The following LGALS3 variants were observed in gnomAD, a reference collection of about 807,000 sequenced individuals.
LGALS3 encodes the protein galectin-3.
LGALS3 carries 18 observed loss-of-function variants against 20.7 expected under a neutral mutation model. That is an observed-to-expected ratio of 0.87 (90% confidence interval 0.60 to 1.29). The LOEUF is 1.29. Among genes scored for constraint, LGALS3 ranks in the 50% most tolerant of loss-of-function variants. The pLI, the probability that LGALS3 is intolerant of heterozygous loss-of-function variation, is 0.00. For synonymous variants in LGALS3, 112 were observed against 119.6 expected, an observed-to-expected ratio of 0.94 and a Z score of 0.42; for missense variants, 315 against 314.7, an observed-to-expected ratio of 1.00 and a Z score of -0.01.
At chr14:55,133,305 TCA>T (rs1169514460) in intron 1 of LGALS3, among the ~76,000 whole-genome samples, 1 of 152,188 alleles carries the variant, frequency 6.6e-6, no homozygotes, top group East Asian at 1.9e-4. Flanking sequence ...TCTCTGAGCC[TCA>T]GTTTCCTTAT....
At position 55,129,703 on chromosome 14, in the gene LGALS3, C is replaced by T. The variant is rs1881170154; in HGVS notation, c.-5+403C>T. 6.6e-6 allele frequency among the ~76,000 whole-genome samples: 1 copy of T among 152,192 alleles called. No homozygotes were observed. Among genetic ancestry groups the T allele is most frequent in the Non-Finnish European group, 1.5e-5 (1 of 68,032 alleles). The stretch of plus-strand genomic sequence containing the variant: ...TGGTCACCCCAGTCCCACCAGGTCC[C>T]GCTGCGAGGGGAGGCGGAGGGGCTC... On this transcript the variant is annotated intron_variant, in intron 1 of 5. Transcript: ENST00000254301. This position sits in a 1 kb window ranked among gnomAD's most constrained non-coding sequence, Gnocchi z 5.3.
At chr14:55,136,655 G>C (rs1464666334) in intron 1 of LGALS3, among the ~76,000 whole-genome samples, 1 of 152,026 alleles carries the variant, frequency 6.6e-6, no homozygotes, top group African/African-American at 2.4e-5. Flanking sequence ...ATTTATTTGT[G>C]TTACAAACAA....
Position 55,137,752 on chromosome 14 carries a change from T to A in LGALS3, c.19-293T>A, listed in dbSNP as rs955728812. 8 of 1,339,390 alleles carry A rather than the reference T, an allele frequency of 6.0e-6. No homozygotes were observed. In the African/African-American group the frequency reaches 1.0e-4, roughly 17 times the overall value. The allele number at this position is 1,339,390 out of a possible 1,614,324, so 83.0% of individuals were successfully genotyped here. On this transcript the variant is annotated intron_variant, in intron 2 of 5. Coordinates refer to ENST00000254301, the MANE Select transcript of LGALS3 (RefSeq NM_002306.4). The stretch of plus-strand genomic sequence containing the variant: ...TTTTTCTCACGGTGATGAAAAAGTA[T>A]GTGCTATAAGTAGAGGAGCGCTAAC...
chr14:55,144,386 C>T (rs1289057893), intron 5 of LGALS3, among the ~76,000 whole-genome samples: 1 of 152,204 alleles, frequency 6.6e-6, no homozygotes, highest in Admixed American at 6.5e-5. Flanking sequence ...GCTCAAGATC[C>T]GCCCGCCTTT....
At chr14:55,143,692 G>T in intron 5 of LGALS3, 1 of 162,650 alleles carries the variant, frequency 6.1e-6, no homozygotes, top group Non-Finnish European at 1.4e-5. Flanking sequence ...AGTGCTGGGA[G>T]GATTACAGGC....
At position 55,135,560 on chromosome 14, in the gene LGALS3, GTT is replaced by G. The variant is rs762172869; in HGVS notation, c.-4-1787_-4-1786del. Reference sequence around the variant, plus strand: ...ACCAAAAATAAGGTAATATTTTATGGTTTTTTTTTTTTTTTTTTTTTTTTGAG... The same window carrying G: ...ACCAAAAATAAGGTAATATTTTATGGTTTTTTTTTTTTTTTTTTTTTTGAG... On this transcript the variant is annotated intron_variant, in intron 1 of 5. Transcript: ENST00000254301. Among the ~76,000 whole-genome samples the G allele has an allele frequency of 2.8e-4, 30 of 106,560 alleles. 1 individual carries two copies. The highest frequency in any genetic ancestry group is 4.2e-4 in the African/African-American group (10 of 23,662). The allele number at this position is 106,560 out of a possible 152,430, so 69.9% of individuals were successfully genotyped here. A position where few individuals can be genotyped will look rare whatever the true frequency, so the allele number is the denominator to read the frequency against.
chr14:55,137,732 C>CACATCA (rs997413716), intron 2 of LGALS3: 80 of 1,337,768 alleles, frequency 6.0e-5, no homozygotes, highest in Non-Finnish European at 6.7e-6. Flanking sequence ...GATTGTTTTT[C>CACATCA]TCACGGTGAT....
intron 1 of LGALS3, among the ~76,000 whole-genome samples, chr14:55,135,717 A>AC (rs936896677): frequency 2.4e-4 from 36 of 151,948 alleles, no homozygotes; most frequent in African/African-American, 8.5e-4. Context: ...GGCATGCGCC[A>AC]CCACACCCGG....
At chr14:55,138,019 G>A (rs752557475) in intron 2 of LGALS3, 26 bp from the exon 3 acceptor site, 41 of 1,474,296 alleles carry the variant, frequency 2.8e-5, no homozygotes, top group South Asian at 1.7e-4. Flanking sequence ...TTTCTGTCCC[G>A]TAATTGTGTA....
rs144650494 is a variant in LGALS3, at chr14:55,141,284, C to T, written c.431+921C>T. Among the ~76,000 whole-genome samples the T allele has an allele frequency of 2.0e-3, 304 of 152,308 alleles. 1 individual carries two copies. The highest frequency in any genetic ancestry group is 7.0e-3 in the African/African-American group (290 of 41,570). On this transcript the variant is annotated intron_variant, in intron 4 of 5. Transcript: ENST00000254301. ...ACACAGCCTAGACAATTTCTGTAAGCACAGAACTTCCCCGTACAATAATGC... is the reference window on the plus strand; with the variant it reads ...ACACAGCCTAGACAATTTCTGTAAGTACAGAACTTCCCCGTACAATAATGC...
intron 5 of LGALS3, among the ~76,000 whole-genome samples, chr14:55,144,429 C>G (rs932913911): frequency 2.6e-5 from 4 of 152,150 alleles, no homozygotes; most frequent in African/African-American, 9.7e-5. Context: ...CAGGCGTGAG[C>G]CACCACACCC....
chr14:55,133,969 G>A (rs578144090), intron 1 of LGALS3, among the ~76,000 whole-genome samples: 5 of 152,314 alleles, frequency 3.3e-5, no homozygotes, highest in South Asian at 4.1e-4. Flanking sequence ...AACCACGTGT[G>A]TACATTCATG....
chr14:55,134,985 T>C (rs1478110088), intron 1 of LGALS3, among the ~76,000 whole-genome samples: 1 of 147,576 alleles, frequency 6.8e-6, no homozygotes, highest in Non-Finnish European at 1.5e-5. Flanking sequence ...TGAGACCCCG[T>C]GTCTAAAAAA....
chr14:55,144,246 G>A (rs1167709615), intron 5 of LGALS3, among the ~76,000 whole-genome samples: 1 of 152,130 alleles, frequency 6.6e-6, no homozygotes, highest in Non-Finnish European at 1.5e-5. Flanking sequence ...AGGCTCAAAC[G>A]ATCCTCCCAC....
At chr14:55,137,566 G>A (rs373732487) in intron 2 of LGALS3, 175 bp downstream of exon 2, 2 of 1,532,330 alleles carry the variant, frequency 1.3e-6, no homozygotes, top group African/African-American at 1.4e-5. Context: ...CAGCAGATTT[G>A]GGAAGAAAGC....
intron 1 of LGALS3, among the ~76,000 whole-genome samples, chr14:55,130,796 AC>A (rs1248258223): frequency 2.0e-5 from 3 of 148,318 alleles, no homozygotes; most frequent in Non-Finnish European, 4.5e-5. Flanking sequence ...CTGGTCTCGA[AC>A]CCCCGACCTC....
At chr14:55,137,596 GACTC>G in intron 2 of LGALS3, 2 of 1,469,972 alleles carry the variant, frequency 1.4e-6, no homozygotes, top group South Asian at 1.4e-5. Flanking sequence ...CGAGGCCTGG[GACTC>G]ACTCACAGTA....
chr14:55,142,130 A>T (rs1881644406), intron 4 of LGALS3, among the ~76,000 whole-genome samples: 1 of 152,180 alleles, frequency 6.6e-6, no homozygotes, highest in African/African-American at 2.4e-5. Context: ...AATTATGAGG[A>T]AGCCAGGTAT....
In LGALS3 at chr14:55,138,379, ATTCC is replaced by A; in HGVS notation, c.342+15_342+18del. 6.2e-7 allele frequency: 1 copy of A among 1,612,466 alleles called. No individual in the cohort carries two copies. Among genetic ancestry groups the A allele is most frequent in the Non-Finnish European group, 8.5e-7 (1 of 1,179,900 alleles). On this transcript the variant is annotated intron_variant, in intron 3 of 5. Coordinates refer to ENST00000254301, the MANE Select transcript of LGALS3 (RefSeq NM_002306.4). ...CCTGCTGGGCCACTGGTGAGATGGC[ATTCC>A]TTCTTTCATGTACTTGACATGCAGA... is the stretch of plus-strand genomic sequence containing the variant.
Sources: allele counts gnomAD v4.1 joint callset (sites outside exome capture counted in the v4.1 genomes callset), GRCh38; gene constraint gnomAD v4.1.1; non-coding constraint Gnocchi (gnomAD v3.1); transcripts MANE v1.5; gene names NCBI Gene and HGNC (gene_info 2026-07-23, HGNC 2026-07-21).